The following LOC128462377 variants were observed in gnomAD, a reference collection of about 807,000 sequenced individuals.
the LOC128462377 span, among the ~76,000 whole-genome samples, chr16:89,417,832 C>A: frequency 6.6e-6 from 1 of 151,884 alleles, no homozygotes; most frequent in Non-Finnish European, 1.5e-5. Flanking sequence ...CATCCAAGGA[C>A]AACCAGGCAA....
chr16:89,396,840 C>A, the LOC128462377 span, among the ~76,000 whole-genome samples: 57 of 152,138 alleles, frequency 3.7e-4, no homozygotes, highest in Non-Finnish European at 7.9e-4. Context: ...GTGTCCACCA[C>A]CACACCCGGC....
At chr16:89,384,874 G>GTTTTTTTTTTTTTT in the LOC128462377 span, among the ~76,000 whole-genome samples, 9 of 72,750 alleles carry the variant, frequency 1.2e-4, 1 homozygote, top group African/African-American at 3.9e-4. Context: ...ATGAGAAATA[G>GTTTTTTTTTTTTTT]TTTTCTTTTT....
chr16:89,325,771 G>A, the LOC128462377 span, among the ~76,000 whole-genome samples: 1 of 152,178 alleles, frequency 6.6e-6, no homozygotes, highest in African/African-American at 2.4e-5. Flanking sequence ...AGAGATAAAG[G>A]CCACACTATG....
the LOC128462377 span, among the ~76,000 whole-genome samples, chr16:89,332,655 C>T: frequency 6.6e-6 from 1 of 152,188 alleles, no homozygotes; most frequent in African/African-American, 2.4e-5. Context: ...AAAAAGCAAA[C>T]GACAAACACA....
At chr16:89,393,308 A>ATTTTTT in the LOC128462377 span, among the ~76,000 whole-genome samples, 1 of 145,144 alleles carries the variant, frequency 6.9e-6, no homozygotes, top group African/African-American at 2.6e-5. Context: ...TACTTTTTTT[A>ATTTTTT]TTTTTATTTT....
At chr16:89,332,988 C>G in the LOC128462377 span, among the ~76,000 whole-genome samples, 2 of 152,316 alleles carry the variant, frequency 1.3e-5, no homozygotes, top group African/African-American at 4.8e-5. Context: ...CAGCCATTTT[C>G]CCATCCTGTG....
At chr16:89,354,067 G>A in the LOC128462377 span, among the ~76,000 whole-genome samples, 3 of 152,142 alleles carry the variant, frequency 2.0e-5, no homozygotes, top group African/African-American at 7.2e-5. Context: ...CTCGGGAGCT[G>A]CCCGCCCAAC....
At chr16:89,322,055 G>T in the LOC128462377 span, among the ~76,000 whole-genome samples, 1 of 152,190 alleles carries the variant, frequency 6.6e-6, no homozygotes, top group Non-Finnish European at 1.5e-5. Context: ...GTGTGTGACT[G>T]GCTTTATGTG....
the LOC128462377 span, chr16:89,343,592 T>C: frequency 6.6e-6 from 1 of 152,184 alleles, no homozygotes; most frequent in African/African-American, 2.4e-5. Context: ...GTTGCCAGAA[T>C]TCACCTCGTT....
the LOC128462377 span, among the ~76,000 whole-genome samples, chr16:89,404,796 T>C: frequency 6.6e-6 from 1 of 152,234 alleles, no homozygotes. Flanking sequence ...ATTCTGAGGA[T>C]GAAGGCATCA....
the LOC128462377 span, among the ~76,000 whole-genome samples, chr16:89,382,249 A>C: frequency 3.9e-5 from 6 of 152,118 alleles, no homozygotes; most frequent in Non-Finnish European, 7.4e-5. Context: ...AGCAAAGTTA[A>C]AAGGTGTCTA....
the LOC128462377 span, among the ~76,000 whole-genome samples, chr16:89,405,764 G>T: frequency 1.3e-5 from 2 of 152,070 alleles, no homozygotes; most frequent in Non-Finnish European, 2.9e-5. Context: ...GCCAGACCCT[G>T]GGGCTTAGGG....
the LOC128462377 span, among the ~76,000 whole-genome samples, chr16:89,319,713 G>A: frequency 6.6e-6 from 1 of 152,250 alleles, no homozygotes; most frequent in Non-Finnish European, 1.5e-5. Flanking sequence ...TGTGGATGAA[G>A]CTGGTTTGGA....
chr16:89,337,006 CCA>C, the LOC128462377 span, among the ~76,000 whole-genome samples: 539 of 39,726 alleles, frequency 0.014, 5 homozygotes, highest in African/African-American at 0.044. Flanking sequence ...CCTGGCTCTA[CCA>C]AAAAAAAAAA....
chr16:89,413,424 C>T, the LOC128462377 span, among the ~76,000 whole-genome samples: 1 of 152,054 alleles, frequency 6.6e-6, no homozygotes, highest in African/African-American at 2.4e-5. Flanking sequence ...AGGAGACCGA[C>T]ACCATCCTAG....
chr16:89,350,569 T>C, the LOC128462377 span, among the ~76,000 whole-genome samples: 2 of 152,162 alleles, frequency 1.3e-5, no homozygotes, highest in Admixed American at 6.5e-5. Flanking sequence ...AATGATTCCA[T>C]TCATATTAAA....
chr16:89,352,067 T>C, the LOC128462377 span, among the ~76,000 whole-genome samples: 2 of 152,046 alleles, frequency 1.3e-5, no homozygotes. Flanking sequence ...CCCAGGTAAT[T>C]TGTGTAGAGG....
chr16:89,320,640 G>A, the LOC128462377 span, among the ~76,000 whole-genome samples: 1 of 152,070 alleles, frequency 6.6e-6, no homozygotes, highest in South Asian at 2.1e-4. Flanking sequence ...CCCCACACGA[G>A]CCACTGGCAC....
the LOC128462377 span, among the ~76,000 whole-genome samples, chr16:89,416,482 A>T: frequency 6.6e-6 from 1 of 152,180 alleles, no homozygotes; most frequent in Admixed American, 6.5e-5. Flanking sequence ...CATTTTTAAT[A>T]GAGATGGGGT....
Sources: gnomAD v4.1 joint callset for allele counts (sites outside exome capture counted in the v4.1 genomes callset) on GRCh38, gnomAD v4.1.1 for gene constraint, MANE v1.5 for transcripts.